RAPGEF5: variants seen among roughly 807,000 people sequenced by gnomAD.
RAPGEF5 encodes the protein M-Ras-regulated GEF.
RAPGEF5 carries 65 observed loss-of-function variants against 125.2 expected under a neutral mutation model. The observed-to-expected ratio is 0.52, with a 90% CI of 0.43 to 0.64. The LOEUF (loss-of-function observed/expected upper bound fraction) is 0.64, where lower values mean the gene tolerates loss of function less well. Ranked by LOEUF, RAPGEF5 falls within the 30% of genes least tolerant of loss-of-function variation. The probability of loss-of-function intolerance (pLI) is 0.00; values close to 1 mark genes in which losing one functional copy is unlikely to be tolerated. For missense variants in RAPGEF5, 958 were observed against 1,048.1 expected, an observed-to-expected ratio of 0.91 and a Z score of 1.19; for synonymous variants, 391 against 385.9, an observed-to-expected ratio of 1.01 and a Z score of -0.16.
intron 7 of RAPGEF5, among the ~76,000 whole-genome samples, chr7:22,262,964 C>CAAAA (rs932334044): frequency 1.1e-4 from 16 of 151,830 alleles, no homozygotes; most frequent in African/African-American, 3.6e-4. Context: ...GACCCTGTCT[C>CAAAA]AAAACAAACA....
chr7:22,253,330 C>T (rs564977419), intron 7 of RAPGEF5, among the ~76,000 whole-genome samples: 1 of 152,272 alleles, frequency 6.6e-6, no homozygotes, highest in South Asian at 2.1e-4. Flanking sequence ...CGGTGTTGGC[C>T]TGTGCTGACC....
intron 24 of RAPGEF5, among the ~76,000 whole-genome samples, chr7:22,127,862 G>A (rs1162634354): frequency 6.6e-6 from 1 of 152,164 alleles, no homozygotes; most frequent in Admixed American, 6.5e-5. Context: ...TTGAATTGTT[G>A]TCATAACCGT....
chr7:22,274,945 G>A (rs1782522859), intron 6 of RAPGEF5, among the ~76,000 whole-genome samples: 1 of 152,076 alleles, frequency 6.6e-6, no homozygotes, highest in Non-Finnish European at 1.5e-5. Context: ...CGTTCTTCTG[G>A]TCGGGTCTTC....
chr7:22,175,199 G>T lies in RAPGEF5; in HGVS notation c.1205-8051C>A, dbSNP rs1270718090. On this transcript the variant is annotated intron_variant, in intron 11 of 25. Coordinates refer to ENST00000665637, the MANE Select transcript of RAPGEF5 (RefSeq NM_012294.5). ...GGATTGGAAATGAGTGTTAAATGCT[G>T]CTTGAAGAGGCTTTATCGGGCTCAG... Among the ~76,000 whole-genome samples the T allele has an allele frequency of 2.6e-5, 4 of 152,164 alleles. No homozygotes were observed. The East Asian group carries it at 7.7e-4, about 29-fold the overall frequency.
intron 18 of RAPGEF5, among the ~76,000 whole-genome samples, chr7:22,149,079 A>G (rs914535081): frequency 2.6e-5 from 4 of 152,168 alleles, no homozygotes; most frequent in African/African-American, 9.7e-5. Flanking sequence ...TGCATTTAAA[A>G]ATCGAAGCAC....
At chr7:22,286,117 G>A (rs1164301855) in intron 6 of RAPGEF5, among the ~76,000 whole-genome samples, 2 of 152,130 alleles carry the variant, frequency 1.3e-5, no homozygotes, top group East Asian at 1.9e-4. Context: ...CATCAGTAGC[G>A]CAATGGATAA....
rs1785083751 is a variant in RAPGEF5 at position 22,193,933 on chromosome 7, C to A, written c.1097G>T (p.Ser366Ile). The change falls in exon 10 of 26, where the codon AGT becomes ATT. Residue 366 changes from serine to isoleucine, a missense_variant. Transcript: ENST00000665637. ...CTCTCACCTCCAATGGCTCTCCGCA[C>A]TCCCAGCTGTGGGGGCTGGGCCACA... is the stretch of plus-strand genomic sequence containing the variant. Reference protein sequence around the residue: ...QCCGPAPTAGSAESHWRYVVV... With the variant: ...QCCGPAPTAGIAESHWRYVVV... The A allele has an allele frequency of 6.2e-7, 1 of 1,613,730 alleles. No individual in the cohort carries two copies. The highest frequency in any genetic ancestry group is 1.3e-5 in the African/African-American group (1 of 74,942).
intron 1 of RAPGEF5, among the ~76,000 whole-genome samples, chr7:22,341,675 C>T (rs956136694): frequency 2.0e-5 from 3 of 152,206 alleles, no homozygotes; most frequent in South Asian, 2.1e-4. Flanking sequence ...GGGCTACAGG[C>T]CCTGTATCAG....
intron 11 of RAPGEF5, among the ~76,000 whole-genome samples, chr7:22,175,604 C>T (rs1050964147): frequency 3.9e-5 from 6 of 152,180 alleles, no homozygotes; most frequent in African/African-American, 7.2e-5. Context: ...AAGATTCACT[C>T]GGTCCAACTC....
rs201854183 is a variant in RAPGEF5 at position 22,129,944 on chromosome 7, C to CT, written c.2481+1092dup. ...TTGGCTGGGTAAGCAGAGCAATGTA[C>CT]TTCTGAGGCAAAGGTCAGGTGCCAA... On this transcript the variant is annotated intron_variant, in intron 24 of 25. Coordinates refer to ENST00000665637, the MANE Select transcript of RAPGEF5 (RefSeq NM_012294.5). Among the ~76,000 whole-genome samples, 152 of 152,256 alleles carry CT rather than the reference C, an allele frequency of 1.0e-3. 1 individual carries two copies. The highest frequency in any genetic ancestry group is 2.8e-3 in the African/African-American group (117 of 41,542).
chr7:22,205,196 G>A (rs941573130), intron 9 of RAPGEF5, among the ~76,000 whole-genome samples: 2 of 152,120 alleles, frequency 1.3e-5, no homozygotes, highest in Non-Finnish European at 2.9e-5. Flanking sequence ...AAGTCTGAAC[G>A]TCTGCATCCA....
chr7:22,187,311 G>C (rs913171665), intron 11 of RAPGEF5, among the ~76,000 whole-genome samples: 1 of 152,140 alleles, frequency 6.6e-6, no homozygotes, highest in Non-Finnish European at 1.5e-5. Flanking sequence ...AGATACTTTA[G>C]AGATCATTTC....
intron 9 of RAPGEF5, among the ~76,000 whole-genome samples, chr7:22,211,810 C>T (rs570138407): frequency 4.6e-5 from 7 of 152,246 alleles, no homozygotes; most frequent in African/African-American, 1.7e-4. Flanking sequence ...TTTGGATAAA[C>T]CCACAGGTCC....
chr7:22,238,014 C>G (rs1786236350), intron 7 of RAPGEF5, among the ~76,000 whole-genome samples: 1 of 152,132 alleles, frequency 6.6e-6, no homozygotes, highest in Non-Finnish European at 1.5e-5. Flanking sequence ...CAGTCGAGAG[C>G]TGGCATAAAC....
chr7:22,282,967 A>C (rs1434345161), intron 6 of RAPGEF5, among the ~76,000 whole-genome samples: 1 of 152,134 alleles, frequency 6.6e-6, no homozygotes, highest in South Asian at 2.1e-4. Flanking sequence ...AGCTCCAAGA[A>C]CATATTAAAT....
At chr7:22,164,611 TATATTTAAA>T (rs982021041) in intron 12 of RAPGEF5, among the ~76,000 whole-genome samples, 9 of 152,204 alleles carry the variant, frequency 5.9e-5, no homozygotes, top group Non-Finnish European at 1.3e-4. Flanking sequence ...CTGCAAGATA[TATATTTAAA>T]ATATATTTAC....
chr7:22,325,926 ATTCCTTTG>A, intron 1 of RAPGEF5, among the ~76,000 whole-genome samples: 1 of 152,356 alleles, frequency 6.6e-6, no homozygotes, highest in South Asian at 2.1e-4. Flanking sequence ...AATACCAATT[ATTCCTTTG>A]TAGTGAAAAA....
intron 6 of RAPGEF5, among the ~76,000 whole-genome samples, chr7:22,281,783 A>G (rs1198721089): frequency 6.6e-6 from 1 of 152,218 alleles, no homozygotes; most frequent in Admixed American, 6.5e-5. Flanking sequence ...CATCTGACAA[A>G]GATGTTACTA....
At chr7:22,178,178 C>T (rs1784567102) in intron 11 of RAPGEF5, among the ~76,000 whole-genome samples, 1 of 151,896 alleles carries the variant, frequency 6.6e-6, no homozygotes, top group Non-Finnish European at 1.5e-5. Flanking sequence ...ACCAGTTACA[C>T]ATATTTATAT....
Sources: gnomAD v4.1 joint callset for allele counts (sites outside exome capture counted in the v4.1 genomes callset) on GRCh38, gnomAD v4.1.1 for gene constraint, MANE v1.5 for transcripts, NCBI Gene and HGNC (gene_info 2026-07-23, HGNC 2026-07-21) for gene names.